DNAH7: variants seen among roughly 807,000 people sequenced by gnomAD.
The protein encoded by DNAH7 is axonemal beta dynein heavy chain 7.
A neutral mutation model predicts 444.6 loss-of-function variants in DNAH7; 397 were observed. The observed-to-expected ratio is 0.89, with a 90% CI of 0.82 to 0.97. The LOEUF is 0.97. Among genes scored for constraint, DNAH7 ranks in the 50% least tolerant of loss-of-function variants. DNAH7 has a pLI of 0.00. For missense variants in DNAH7, 4,902 were observed against 4,800.8 expected (o/e 1.02, Z -0.62); for synonymous variants, 1,636 against 1,624.4 (o/e 1.01, Z -0.17).
At chr2:196,006,400 G>A (rs932616922) in intron 10 of DNAH7, among the ~76,000 whole-genome samples, 4 of 151,952 alleles carry the variant, frequency 2.6e-5, no homozygotes, top group African/African-American at 7.3e-5. Context: ...AATGTAATAC[G>A]CCATATTAAT....
At chr2:196,004,467 T>A (rs1694237404) in intron 10 of DNAH7, among the ~76,000 whole-genome samples, 1 of 152,132 alleles carries the variant, frequency 6.6e-6, no homozygotes, top group Non-Finnish European at 1.5e-5. Flanking sequence ...AGAAAGACAC[T>A]TAGAAATTCA....
intron 9 of DNAH7, among the ~76,000 whole-genome samples, chr2:196,016,508 G>T (rs768909727): frequency 1.5e-4 from 23 of 152,160 alleles, no homozygotes; most frequent in Admixed American, 5.2e-4. Context: ...ATGGAAAGGT[G>T]GAAGAATGCA....
Position 195,875,663 on chromosome 2 carries a change from C to T in DNAH7, c.6286+12G>A. On this transcript the variant is annotated intron_variant, in intron 38 of 64. Transcript: ENST00000312428. ...TTTTCCATCTTAGTAATCACAAACT[C>T]AAAAAATGTACCTGGAGGTCCCATA... The T allele has an allele frequency of 6.5e-7, 1 of 1,543,966 alleles. No individual in the cohort carries two copies. Among genetic ancestry groups the T allele is most frequent in the Non-Finnish European group, 8.7e-7 (1 of 1,146,084 alleles).
rs1023117628 is a variant in DNAH7, at chr2:195,798,600, A to G, written c.10353+696T>C. On this transcript the variant is annotated intron_variant, in intron 55 of 64. Transcript: ENST00000312428. ...ACTCTGTCGCCCAGGCTGGAGTGCT[A>G]TGGCGTGATCTCGGCTCACTGCAAG... is the stretch of plus-strand genomic sequence containing the variant. Among the ~76,000 whole-genome samples the G allele has an allele frequency of 1.1e-4, 14 of 124,928 alleles. No individual in the cohort carries two copies. The Admixed American group carries it at 1.3e-3, about 11-fold the overall frequency. 82.0% of individuals were successfully genotyped at this position (124,928 alleles called of 152,430 possible).
chr2:195,989,157 A>C (rs1417635469), intron 12 of DNAH7, among the ~76,000 whole-genome samples: 2 of 152,180 alleles, frequency 1.3e-5, no homozygotes, highest in Non-Finnish European at 2.9e-5. Flanking sequence ...TGGGAGTGCA[A>C]ATAGCTCTTC....
intron 19 of DNAH7, among the ~76,000 whole-genome samples, chr2:195,937,575 T>C (rs1689140335): frequency 6.6e-6 from 1 of 152,182 alleles, no homozygotes; most frequent in Non-Finnish European, 1.5e-5. Context: ...TTAAAAAAAG[T>C]AAATAGAGTT....
At chr2:195,845,267 C>G (rs1440458050) in intron 46 of DNAH7, 102 bp from the exon 47 acceptor site, 1 of 910,476 alleles carries the variant, frequency 1.1e-6, no homozygotes, top group Non-Finnish European at 1.5e-6. Flanking sequence ...GTCAACAAAC[C>G]ATTGTGGAAA....
chr2:195,819,989 G>T (rs1310066064), intron 49 of DNAH7, among the ~76,000 whole-genome samples: 1 of 152,130 alleles, frequency 6.6e-6, no homozygotes, highest in African/African-American at 2.4e-5. Context: ...ATTGCTCTTG[G>T]CAAACGAAAC....
intron 24 of DNAH7, among the ~76,000 whole-genome samples, chr2:195,912,466 T>G (rs1008702422): frequency 6.6e-6 from 1 of 152,208 alleles, no homozygotes; most frequent in Non-Finnish European, 1.5e-5. Context: ...AGAGCCAGAT[T>G]TGAGTCACAC....
At chr2:195,834,400 T>C (rs1698228947) in intron 47 of DNAH7, 40 bp from the exon 48 acceptor site, 1 of 1,563,972 alleles carries the variant, frequency 6.4e-7, no homozygotes, top group East Asian at 2.3e-5. Context: ...CAAGCCATGA[T>C]TTGTTTCTAC....
intron 5 of DNAH7, among the ~76,000 whole-genome samples, chr2:196,045,161 A>AGG (rs1559365324): frequency 4.0e-4 from 58 of 146,072 alleles, no homozygotes; most frequent in African/African-American, 1.4e-3. Flanking sequence ...GGAGGAGAAG[A>AGG]AGGAGGAGGA....
chr2:195,778,854 T>C (rs1396304779), intron 58 of DNAH7, among the ~76,000 whole-genome samples: 1 of 149,052 alleles, frequency 6.7e-6, no homozygotes, highest in South Asian at 2.1e-4. Flanking sequence ...CTTTTTTTTT[T>C]TTTTTTGAGA....
At chr2:195,788,892 T>C (rs1020561029) in intron 57 of DNAH7, among the ~76,000 whole-genome samples, 1 of 152,242 alleles carries the variant, frequency 6.6e-6, no homozygotes. Flanking sequence ...TATGTGTGCA[T>C]GTATATTTGT....
chr2:195,997,943 T>C (rs1006663838), intron 12 of DNAH7, among the ~76,000 whole-genome samples: 3 of 152,170 alleles, frequency 2.0e-5, no homozygotes, highest in African/African-American at 7.2e-5. Flanking sequence ...ATCCCTGGAA[T>C]TTGGATCGTT....
intron 40 of DNAH7, among the ~76,000 whole-genome samples, chr2:195,871,810 A>C (rs1700714836): frequency 1.0e-5 from 1 of 98,958 alleles, no homozygotes; most frequent in Non-Finnish European, 1.9e-5. Context: ...GGGCGCCTGT[A>C]GTCCCAGCTA....
intron 19 of DNAH7, among the ~76,000 whole-genome samples, chr2:195,949,196 C>A (rs1358797084): frequency 6.6e-6 from 1 of 152,154 alleles, no homozygotes; most frequent in African/African-American, 2.4e-5. Flanking sequence ...TGGGCTGAGA[C>A]AATGGAGTTT....
At chr2:195,904,793 G>A (rs1214093711) in intron 27 of DNAH7, 6 of 152,142 alleles carry the variant, frequency 3.9e-5, no homozygotes, top group Non-Finnish European at 7.3e-5. Context: ...GTGACTGACT[G>A]AATCACCAGG....
intron 8 of DNAH7, among the ~76,000 whole-genome samples, chr2:196,023,381 A>C (rs1695495117): frequency 6.6e-6 from 1 of 152,226 alleles, no homozygotes; most frequent in Non-Finnish European, 1.5e-5. Flanking sequence ...TAAATCACCC[A>C]GTCTCTGGTA....
chr2:195,902,420 T>C (rs1403467469), intron 27 of DNAH7: 1 of 152,154 alleles, frequency 6.6e-6, no homozygotes, highest in Non-Finnish European at 1.5e-5. Flanking sequence ...TGCTATACAG[T>C]TGGTATCTCT....
Sources: allele counts gnomAD v4.1 joint callset (sites outside exome capture counted in the v4.1 genomes callset), GRCh38; gene constraint gnomAD v4.1.1; transcripts MANE v1.5; gene names NCBI Gene and HGNC (gene_info 2026-07-23, HGNC 2026-07-21).